IFT122: variants seen among roughly 807,000 people sequenced by gnomAD.
The protein encoded by IFT122 is intraflagellar transport 122, also known as intraflagellar transport protein 122 homolog.
In IFT122, 118 loss-of-function variants were observed where a neutral mutation model predicts 161.6. The observed-to-expected ratio is 0.73, with a 90% CI of 0.63 to 0.85. The LOEUF is 0.85. Ranked by LOEUF, IFT122 falls within the 40% of genes least tolerant of loss-of-function variation. IFT122 has a pLI of 0.00. For synonymous variants in IFT122, 550 were observed against 602.4 expected, an observed-to-expected ratio of 0.91 and a Z score of 1.27; for missense variants, 1,381 against 1,579.6, an observed-to-expected ratio of 0.87 and a Z score of 2.13.
intron 19 of IFT122, among the ~76,000 whole-genome samples, chr3:129,501,459 AC>A (rs1038011804): frequency 2.0e-5 from 3 of 152,116 alleles, no homozygotes; most frequent in African/African-American, 7.2e-5. Context: ...ATGTCCTACC[AC>A]CCCATCTTTT....
At chr3:129,466,495 CTTTTTT>C (rs527470540) in intron 7 of IFT122, among the ~76,000 whole-genome samples, 4 of 102,180 alleles carry the variant, frequency 3.9e-5, no homozygotes, top group Admixed American at 1.2e-4. Context: ...TATTTTTATT[CTTTTTT>C]TTTTTTTTTT....
chr3:129,506,079 G>T (rs1356971416), intron 21 of IFT122, among the ~76,000 whole-genome samples: 1 of 152,152 alleles, frequency 6.6e-6, no homozygotes, highest in East Asian at 1.9e-4. Context: ...GCCCTGGAAT[G>T]AGCAGGGGGC....
At chr3:129,469,851 T>C (rs1415493940) in intron 9 of IFT122, among the ~76,000 whole-genome samples, 3 of 152,166 alleles carry the variant, frequency 2.0e-5, no homozygotes, top group Non-Finnish European at 4.4e-5. Flanking sequence ...GCTGCTGACA[T>C]AGAGCTGGGA....
intron 9 of IFT122, among the ~76,000 whole-genome samples, chr3:129,472,843 G>T (rs187161907): frequency 6.6e-6 from 1 of 152,132 alleles, no homozygotes; most frequent in African/African-American, 2.4e-5. Flanking sequence ...TGACTCTTCT[G>T]CAACTTCCAA....
chr3:129,464,480 C>T (rs1247799072), intron 6 of IFT122, among the ~76,000 whole-genome samples, 155 bp from the exon 7 acceptor site: 1 of 152,226 alleles, frequency 6.6e-6, no homozygotes, highest in Non-Finnish European at 1.5e-5. Flanking sequence ...GTTTGATCCT[C>T]TGACTTTATG....
chr3:129,495,474 A>T lies in IFT122; in HGVS notation c.2075A>T (p.Asn692Ile), dbSNP rs1396219081. The change falls in exon 18 of 30, where the codon AAT becomes ATT. Residue 692 changes from asparagine to isoleucine, a missense_variant. Transcript: ENST00000348417. ...AGGAAGAAGCGGGGAGAGACCAACA[A>T]TGACCTGTTTCTGGCAGATGTGTTT... The part of the protein sequence containing the change: ...EERKKRGETN[N>I]DLFLADVFSY... 6.2e-7 allele frequency: 1 copy of T among 1,614,166 alleles called. No individual in the cohort carries two copies. Among genetic ancestry groups the T allele is most frequent in the Non-Finnish European group, 8.5e-7 (1 of 1,180,028 alleles).
At chr3:129,507,074 G>T (rs550097949) in intron 22 of IFT122, among the ~76,000 whole-genome samples, 7 of 152,340 alleles carry the variant, frequency 4.6e-5, no homozygotes, top group African/African-American at 1.7e-4. Flanking sequence ...TGGCATGGAA[G>T]CTGCAGGTGA....
intron 13 of IFT122, among the ~76,000 whole-genome samples, chr3:129,480,354 A>G (rs2078496058): frequency 1.3e-5 from 2 of 152,310 alleles, no homozygotes; most frequent in African/African-American, 4.8e-5. Context: ...ATACTGATAG[A>G]TGTCATAAGC....
At chr3:129,444,545 CAG>C (rs1360032879) in intron 1 of IFT122, among the ~76,000 whole-genome samples, 1 of 150,726 alleles carries the variant, frequency 6.6e-6, no homozygotes. Context: ...TTTTTTGAGA[CAG>C]AGTCTCGCTC....
At chr3:129,476,582 C>CA in intron 10 of IFT122, 76 bp downstream of exon 10, 1 of 1,613,306 alleles carries the variant, frequency 6.2e-7, no homozygotes. Flanking sequence ...CGAGTCACAT[C>CA]ACTGGGGTTT....
At chr3:129,476,264 G>C (rs1215609822) in intron 9 of IFT122, 51 bp from the exon 10 acceptor site, 1 of 1,602,360 alleles carries the variant, frequency 6.2e-7, no homozygotes, top group African/African-American at 1.3e-5. Flanking sequence ...TATTGCAATG[G>C]TTATGGATTC....
intron 28 of IFT122, among the ~76,000 whole-genome samples, 191 bp downstream of exon 28, chr3:129,519,377 C>T (rs1415240810): frequency 1.3e-5 from 2 of 152,172 alleles, no homozygotes; most frequent in East Asian, 1.9e-4. Flanking sequence ...GGACCATGGC[C>T]AAGGGCGCAG....
In IFT122 at chr3:129,512,324, A is replaced by G. The variant is rs1393560147; in HGVS notation, c.2899A>G (p.Ser967Gly). 2.5e-6 allele frequency: 4 copies of G among 1,613,478 alleles called. No homozygotes were observed. The highest frequency in any genetic ancestry group is 2.2e-5 in the East Asian group (1 of 44,892). ...TCTCTCACTGCAGGAAGATCCGTTC[A>G]GTGTCCATCGTCCTGAAACTCTTTT... ...AIHRHTEDPFSVHRPETLFNI... is the reference protein window; with the variant it reads ...AIHRHTEDPFGVHRPETLFNI... The change falls in exon 24 of 30, where the codon AGT (serine) becomes GGT (glycine). Residue 967 changes from serine (S) to glycine (G), a missense_variant. This residue lies in a region of IFT122 where 496 missense variants were observed against 502.5 expected (regional missense o/e 0.99). Coordinates refer to ENST00000348417, the MANE Select transcript of IFT122 (RefSeq NM_052989.3).
intron 4 of IFT122, among the ~76,000 whole-genome samples, chr3:129,459,751 TC>T (rs1200735214): frequency 1.7e-4 from 23 of 137,330 alleles, no homozygotes; most frequent in African/African-American, 5.4e-4. Flanking sequence ...CCTTCTTCCT[TC>T]CTTCCTTCCT....
intron 26 of IFT122, among the ~76,000 whole-genome samples, chr3:129,517,268 G>A (rs1466317776): frequency 8.5e-6 from 1 of 117,002 alleles, no homozygotes; most frequent in African/African-American, 3.2e-5. Flanking sequence ...CATTGCTCCT[G>A]CACACACACA....
chr3:129,476,357 A>C lies in IFT122; in HGVS notation c.859A>C (p.Ser287Arg). The change falls in exon 10 of 30, where the codon AGC becomes CGC. Residue 287 changes from serine to arginine, a missense_variant. Physicochemically the swap from Ser to Arg is moderately radical, Grantham distance 110. Transcript: ENST00000348417. ...RALNFDPCCI[S>R]YFTKGEYILL... ...ACTGAACTTTGACCCCTGCTGCATC[A>C]GCTACTTTACTAAAGGCGAGTACAT... 1 of 1,614,170 alleles carries C rather than the reference A, an allele frequency of 6.2e-7. No homozygotes were observed. The highest frequency in any genetic ancestry group is 8.5e-7 in the Non-Finnish European group (1 of 1,180,028).
At chr3:129,483,461 A>C (rs1168092221) in intron 14 of IFT122, 24 bp from the exon 15 acceptor site, 11 of 1,608,538 alleles carry the variant, frequency 6.8e-6, no homozygotes, top group African/African-American at 2.7e-5. Flanking sequence ...TTCTCACAGG[A>C]TCCCCACTGT....
intron 1 of IFT122, among the ~76,000 whole-genome samples, chr3:129,446,497 G>T (rs2074017882): frequency 6.6e-6 from 1 of 152,110 alleles, no homozygotes. Context: ...TTACAGGCAT[G>T]AGCCACCGCG....
intron 23 of IFT122, among the ~76,000 whole-genome samples, chr3:129,511,525 G>A (rs1041923013): frequency 6.6e-6 from 1 of 152,130 alleles, no homozygotes; most frequent in Non-Finnish European, 1.5e-5. Flanking sequence ...ACCATCTAAA[G>A]CTTTATTAGA....
Sources: gnomAD v4.1 joint callset for allele counts (sites outside exome capture counted in the v4.1 genomes callset) on GRCh38, gnomAD v4.1.1 for gene constraint, gnomAD v4.1.1 regional missense constraint, MANE v1.5 for transcripts, NCBI Gene and HGNC (gene_info 2026-07-23, HGNC 2026-07-21) for gene names.